ASIC2: variants seen among roughly 807,000 people sequenced by gnomAD.
ASIC2 encodes the protein acid-sensing ion channel 2.
ASIC2 carries 25 observed loss-of-function variants against 57.3 expected under a neutral mutation model. The ratio of observed to expected loss-of-function variants is 0.44; its 90% CI spans 0.32 to 0.61. ASIC2 has a LOEUF of 0.61. Ranked by LOEUF, ASIC2 falls within the 20% of genes least tolerant of loss-of-function variation. The pLI, the probability that ASIC2 is intolerant of heterozygous loss-of-function variation, is 0.06. For synonymous variants in ASIC2, 319 were observed against 307.5 expected (o/e 1.04, Z -0.39); for missense variants, 641 against 738.1 (o/e 0.87, Z 1.52).
At chr17:34,030,762 C>A (rs950787451) in intron 1 of ASIC2, among the ~76,000 whole-genome samples, 1 of 152,170 alleles carries the variant, frequency 6.6e-6, no homozygotes, top group African/African-American at 2.4e-5. Context: ...TCATTGCTAG[C>A]ACAGCAGTCC....
chr17:34,033,340 G>C (rs1035956006), intron 1 of ASIC2, among the ~76,000 whole-genome samples: 3 of 152,070 alleles, frequency 2.0e-5, no homozygotes, highest in African/African-American at 4.8e-5. Context: ...CAACATACCA[G>C]AATCTCTGGG....
At chr17:34,027,910 G>T (rs1439483189) in intron 1 of ASIC2, among the ~76,000 whole-genome samples, 1 of 152,170 alleles carries the variant, frequency 6.6e-6, no homozygotes, top group African/African-American at 2.4e-5. Context: ...CCATGACATT[G>T]TGTCAGATCT....
At chr17:33,539,057 A>G (rs1227986411) in intron 1 of ASIC2, among the ~76,000 whole-genome samples, 3 of 152,266 alleles carry the variant, frequency 2.0e-5, no homozygotes, top group Non-Finnish European at 2.9e-5. Context: ...AGGGAACACA[A>G]TCGCCTCTGA....
At chr17:33,202,579 G>C (rs747606423) in intron 1 of ASIC2, among the ~76,000 whole-genome samples, 29 of 152,130 alleles carry the variant, frequency 1.9e-4, no homozygotes, top group Non-Finnish European at 3.4e-4. Flanking sequence ...TTGGCAGCTG[G>C]ACTAGGACTT....
At chr17:33,451,232 T>C (rs1252326453) in intron 1 of ASIC2, among the ~76,000 whole-genome samples, 1 of 152,076 alleles carries the variant, frequency 6.6e-6, no homozygotes. Flanking sequence ...AATTTTTGTA[T>C]TTTTACAAAG....
At chr17:33,532,528 C>A (rs184285437) in intron 1 of ASIC2, among the ~76,000 whole-genome samples, 7 of 152,270 alleles carry the variant, frequency 4.6e-5, no homozygotes, top group African/African-American at 1.7e-4. Flanking sequence ...CACCCACTGA[C>A]TCTTGGGACA....
At chr17:33,689,382 A>G (rs187762895) in intron 1 of ASIC2, among the ~76,000 whole-genome samples, 1 of 152,260 alleles carries the variant, frequency 6.6e-6, no homozygotes, top group Admixed American at 6.5e-5. Flanking sequence ...GCCTCATGGT[A>G]TATTTAAAAG....
At chr17:33,538,154 C>T (rs899403413) in intron 1 of ASIC2, among the ~76,000 whole-genome samples, 2 of 152,166 alleles carry the variant, frequency 1.3e-5, no homozygotes, top group African/African-American at 2.4e-5. Flanking sequence ...TTTAACCTTC[C>T]TGCCTGTAAA....
At chr17:33,597,494 GC>G (rs1905016557) in intron 1 of ASIC2, among the ~76,000 whole-genome samples, 1 of 151,954 alleles carries the variant, frequency 6.6e-6, no homozygotes, top group Admixed American at 6.6e-5. Context: ...TGCAAAATGG[GC>G]CTCTCACTTC....
At chr17:33,734,326 TC>T (rs1231152827) in intron 1 of ASIC2, among the ~76,000 whole-genome samples, 2 of 151,968 alleles carry the variant, frequency 1.3e-5, no homozygotes, top group Non-Finnish European at 2.9e-5. Flanking sequence ...GGCCAGCCCT[TC>T]CCCCCGGGCT....
At chr17:33,807,557 C>T (rs1041831124) in intron 1 of ASIC2, among the ~76,000 whole-genome samples, 2 of 152,124 alleles carry the variant, frequency 1.3e-5, no homozygotes, top group Admixed American at 6.5e-5. Context: ...CTCTCTCTCT[C>T]TCTTTCTTTC....
chr17:34,021,969 C>T (rs1189968874), intron 1 of ASIC2, among the ~76,000 whole-genome samples: 1 of 151,786 alleles, frequency 6.6e-6, no homozygotes, highest in East Asian at 1.9e-4. Flanking sequence ...TCCCGAGTAG[C>T]TGGGACTATA....
chr17:33,020,920 G>C (rs992081022), intron 7 of ASIC2, among the ~76,000 whole-genome samples: 1 of 152,128 alleles, frequency 6.6e-6, no homozygotes, highest in Non-Finnish European at 1.5e-5. Context: ...AATTCCAAGA[G>C]TGCAGGGTTA....
At chr17:34,097,593 T>C (rs1284900546) in intron 1 of ASIC2, among the ~76,000 whole-genome samples, 1 of 152,232 alleles carries the variant, frequency 6.6e-6, no homozygotes, top group African/African-American at 2.4e-5. Flanking sequence ...AAAATGGTCA[T>C]GTGAAGACAA....
At chr17:33,306,760 G>A (rs1027956322) in intron 1 of ASIC2, among the ~76,000 whole-genome samples, 25 of 152,062 alleles carry the variant, frequency 1.6e-4, no homozygotes, top group Admixed American at 1.6e-3. Flanking sequence ...CTCTGCCATT[G>A]TAATTATGTC....
At chr17:33,053,596 G>A (rs571923357) in intron 3 of ASIC2, among the ~76,000 whole-genome samples, 8 of 151,994 alleles carry the variant, frequency 5.3e-5, no homozygotes, top group Admixed American at 2.6e-4. Flanking sequence ...CCTTTGTCTC[G>A]TGTATACCCT....
chr17:33,244,453 CT>C (rs1253347059), intron 1 of ASIC2, among the ~76,000 whole-genome samples: 1 of 152,312 alleles, frequency 6.6e-6, no homozygotes, highest in East Asian at 1.9e-4. Context: ...ACATAAAATG[CT>C]TAGCAAAGTG....
At chr17:33,782,864 CT>C (rs910356702) in intron 1 of ASIC2, among the ~76,000 whole-genome samples, 7 of 152,222 alleles carry the variant, frequency 4.6e-5, no homozygotes, top group African/African-American at 1.4e-4. Context: ...GCCAGCCCCC[CT>C]GACCTTATCT....
In ASIC2 at chr17:34,099,611, GAGGAAA is replaced by G. The variant is rs1185883056; in HGVS notation, c.555+56361_555+56366del. ...GAAAGAAAGAGAAAAAAGAGAGAAAGAGGAAAGAAAGAAAAAGAAAAAGAAAGAAAG... is the reference window on the plus strand; with the variant it reads ...GAAAGAAAGAGAAAAAAGAGAGAAAGGAAAGAAAAAGAAAAAGAAAGAAAG... On this transcript the variant is annotated intron_variant, in intron 1 of 9. Coordinates refer to the ASIC2 transcript ENST00000359872. 4.5e-5 allele frequency among the ~76,000 whole-genome samples: 6 copies of G among 134,286 alleles called. 1 individual carries two copies. Among genetic ancestry groups the G allele is most frequent in the African/African-American group, 1.8e-4 (6 of 33,014 alleles). 88.1% of individuals were successfully genotyped at this position (134,286 alleles called of 152,430 possible). A position where few individuals can be genotyped will look rare whatever the true frequency, so the allele number is the denominator to read the frequency against.
Sources: gnomAD v4.1 joint callset for allele counts (sites outside exome capture counted in the v4.1 genomes callset) on GRCh38, gnomAD v4.1.1 for gene constraint, MANE v1.5 for transcripts, NCBI Gene and HGNC (gene_info 2026-07-23, HGNC 2026-07-21) for gene names.